PCED1B: variants seen among roughly 807,000 people sequenced by gnomAD.
The protein encoded by PCED1B is PC-esterase domain containing 1B.
For synonymous variants in PCED1B, 251 were observed against 246.1 expected, an observed-to-expected ratio of 1.02 and a Z score of -0.19; for missense variants, 573 against 573.9, an observed-to-expected ratio of 1.00 and a Z score of 0.02.
intron 1 of PCED1B, among the ~76,000 whole-genome samples, chr12:47,082,512 T>A (rs954837914): frequency 6.6e-6 from 1 of 152,238 alleles, no homozygotes; most frequent in Non-Finnish European, 1.5e-5. Context: ...CCCACCCCCT[T>A]TTTTAGCTTA....
In PCED1B at chr12:47,113,461, A is replaced by C. The variant is rs188223678; in HGVS notation, c.-526+9266A>C. Among the ~76,000 whole-genome samples the C allele has an allele frequency of 5.1e-3, 774 of 152,286 alleles. 5 individuals are homozygous for C. Among genetic ancestry groups the C allele is most frequent in the African/African-American group, 0.017 (706 of 41,554 alleles). Reference sequence around the variant, plus strand: ...AGAGAAAGAAGCTTGTCCAGATCTGACTGTTTGCTCAGCTTTCATGCTTTA... The same window carrying C: ...AGAGAAAGAAGCTTGTCCAGATCTGCCTGTTTGCTCAGCTTTCATGCTTTA... On this transcript the variant is annotated intron_variant, in intron 2 of 3. Coordinates refer to ENST00000546455, the MANE Select transcript of PCED1B (RefSeq NM_138371.3).
intron 2 of PCED1B, among the ~76,000 whole-genome samples, chr12:47,134,645 G>A (rs1350318443): frequency 4.6e-5 from 7 of 152,274 alleles, no homozygotes; most frequent in East Asian, 3.9e-4. Context: ...TGAGGAAGGC[G>A]GATCACGAGG....
chr12:47,139,695 G>A (rs145271762), intron 2 of PCED1B, among the ~76,000 whole-genome samples: 141 of 152,214 alleles, frequency 9.3e-4, no homozygotes, highest in African/African-American at 3.1e-3. Flanking sequence ...TCTTGTGCTT[G>A]TGTGGTGTAT....
chr12:47,102,797 C>G (rs1162097048), intron 1 of PCED1B, among the ~76,000 whole-genome samples: 1 of 152,152 alleles, frequency 6.6e-6, no homozygotes, highest in African/African-American at 2.4e-5. Flanking sequence ...TGCCTAGAAA[C>G]AGTTATTGTT....
intron 3 of PCED1B, among the ~76,000 whole-genome samples, chr12:47,231,791 G>A (rs980548924): frequency 3.3e-5 from 5 of 152,162 alleles, no homozygotes; most frequent in African/African-American, 1.2e-4. Flanking sequence ...GTATTAACAG[G>A]GGAAGGTGTA....
At chr12:47,083,314 C>G (rs1009312810) in intron 1 of PCED1B, among the ~76,000 whole-genome samples, 1 of 152,092 alleles carries the variant, frequency 6.6e-6, no homozygotes, top group African/African-American at 2.4e-5. Flanking sequence ...GGAATTTATA[C>G]ACTGGCAGAT....
In PCED1B at chr12:47,235,917, AC is replaced by A; in HGVS notation, c.857del (p.Pro286ArgfsTer151). The A allele has an allele frequency of 5.0e-6, 8 of 1,607,960 alleles. No homozygotes were observed. The highest frequency in any genetic ancestry group is 6.8e-6 in the Non-Finnish European group (8 of 1,177,526). On this transcript the variant is annotated frameshift_variant, in exon 4 of 4. Coordinates refer to ENST00000546455, the MANE Select transcript of PCED1B (RefSeq NM_138371.3). LOFTEE classifies it low-confidence loss of function (END_TRUNC). ...GGGCCGCCCCAGGCCAACAGAAATC[AC>A]CCGGCCTTACCTCTGTCCCCACCCT... ...VEGPPQANRNHPALPLSPPLP... is the reference protein window; with the variant it reads ...VEGPPQANRNXPALPLSPPLP...
chr12:47,231,046 G>T (rs1943790137), intron 3 of PCED1B, among the ~76,000 whole-genome samples: 1 of 152,180 alleles, frequency 6.6e-6, no homozygotes, highest in Non-Finnish European at 1.5e-5. Flanking sequence ...AAACAGAAGA[G>T]TTAGGATTCA....
rs573549429 is a variant in PCED1B at position 47,230,052 on chromosome 12, G to A, written c.-57-4955G>A. Among the ~76,000 whole-genome samples, 3 of 147,486 alleles carry A rather than the reference G, an allele frequency of 2.0e-5. No individual in the cohort carries two copies. The East Asian group carries it at 6.2e-4, about 30-fold the overall frequency. ...GCCTCCTAAAGTGCTGGGATTACAGGCGTGAGCCACTGCACTCAGCAAGTA... is the reference window on the plus strand; with the variant it reads ...GCCTCCTAAAGTGCTGGGATTACAGACGTGAGCCACTGCACTCAGCAAGTA... On this transcript the variant is annotated intron_variant, in intron 3 of 3. Coordinates refer to ENST00000546455, the MANE Select transcript of PCED1B (RefSeq NM_138371.3).
chr12:47,226,527 C>T (rs555142577), intron 3 of PCED1B, among the ~76,000 whole-genome samples: 7 of 152,298 alleles, frequency 4.6e-5, no homozygotes. Context: ...GCGCATGCCA[C>T]CACACCCGGC....
chr12:47,088,615 A>C (rs1388638927), intron 1 of PCED1B, among the ~76,000 whole-genome samples: 1 of 152,234 alleles, frequency 6.6e-6, no homozygotes, highest in Non-Finnish European at 1.5e-5. Context: ...CACTTTCTCC[A>C]GAGAGCAGTT....
intron 2 of PCED1B, among the ~76,000 whole-genome samples, chr12:47,122,343 A>G (rs11183748): frequency 0.11 from 16,882 of 152,168 alleles, 1,803 homozygotes; most frequent in African/African-American, 0.28. Flanking sequence ...TTGTAATTGC[A>G]GCCAATGTGT....
intron 1 of PCED1B, among the ~76,000 whole-genome samples, chr12:47,087,904 T>C (rs958590622): frequency 1.3e-5 from 2 of 152,204 alleles, no homozygotes; most frequent in Non-Finnish European, 2.9e-5. Flanking sequence ...GTCTCTCTCC[T>C]GCACATACCA....
Position 47,145,934 on chromosome 12 carries a change from G to C in PCED1B, c.-526+41739G>C, listed in dbSNP as rs974086197. Reference sequence around the variant, plus strand: ...TCATTTAAGAAATACTTTTCATAAGGCTACAGCTGCTATAGACAGTGATTC... The same window carrying C: ...TCATTTAAGAAATACTTTTCATAAGCCTACAGCTGCTATAGACAGTGATTC... On this transcript the variant is annotated intron_variant, in intron 2 of 3. Transcript: ENST00000546455. Among the ~76,000 whole-genome samples the C allele has an allele frequency of 7.9e-5, 12 of 152,266 alleles. No homozygotes were observed. The South Asian group carries it at 2.3e-3, about 29-fold the overall frequency.
chr12:47,215,442 C>G (rs994437958), intron 2 of PCED1B, among the ~76,000 whole-genome samples: 1 of 151,842 alleles, frequency 6.6e-6, no homozygotes, highest in Non-Finnish European at 1.5e-5. Flanking sequence ...TCAGTAGAGA[C>G]GGAGTTGCAC....
chr12:47,216,873 G>T (rs549967379), intron 3 of PCED1B, among the ~76,000 whole-genome samples, 184 bp downstream of exon 3: 2 of 152,242 alleles, frequency 1.3e-5, no homozygotes, highest in East Asian at 3.9e-4. Flanking sequence ...AAAAATATTA[G>T]TGATTGATAA....
At chr12:47,132,592 GTTTAGCCATTGTACTATGTGTAAGTCAA>G (rs985782390) in intron 2 of PCED1B, among the ~76,000 whole-genome samples, 4 of 152,158 alleles carry the variant, frequency 2.6e-5, no homozygotes, top group Non-Finnish European at 5.9e-5. Context: ...AGTGAAGTCA[GTTTAGCCATTGTACTATGTGTAAGTCAA>G]TTTCCAGACA....
chr12:47,178,565 A>C (rs941593200), intron 2 of PCED1B, among the ~76,000 whole-genome samples: 3 of 152,108 alleles, frequency 2.0e-5, no homozygotes, highest in Non-Finnish European at 4.4e-5. Context: ...AAAGGGAAAA[A>C]AAGCATAGAA....
At chr12:47,177,973 T>C (rs1941977621) in intron 2 of PCED1B, among the ~76,000 whole-genome samples, 1 of 152,014 alleles carries the variant, frequency 6.6e-6, no homozygotes, top group Non-Finnish European at 1.5e-5. Context: ...ATTCTGGCCA[T>C]GGAATTAGTG....
Sources: allele counts gnomAD v4.1 joint callset (sites outside exome capture counted in the v4.1 genomes callset), GRCh38; gene constraint gnomAD v4.1.1; transcripts MANE v1.5; gene names NCBI Gene and HGNC (gene_info 2026-07-23, HGNC 2026-07-21).